PKHD1: variants seen among roughly 807,000 people sequenced by gnomAD.
PKHD1 encodes the protein PKHD1 ciliary IPT domain containing fibrocystin/polyductin, also known as fibrocystin.
Under a neutral mutation model 412.0 loss-of-function variants are expected in PKHD1, and 291 were observed. That is an observed-to-expected ratio of 0.71 (90% CI 0.64 to 0.78). PKHD1 has a LOEUF of 0.78. Ranked by LOEUF, PKHD1 falls within the 30% of genes least tolerant of loss-of-function variation. The pLI is 0.00. For missense variants in PKHD1, 4,825 were observed against 4,950.7 expected (o/e 0.97, Z 0.76); for synonymous variants, 1,777 against 1,821.5 (o/e 0.98, Z 0.62).
At chr6:51,846,621 T>C (rs1653502466) in intron 50 of PKHD1, among the ~76,000 whole-genome samples, 1 of 152,078 alleles carries the variant, frequency 6.6e-6, no homozygotes, top group Non-Finnish European at 1.5e-5. Flanking sequence ...TCAAAAGAAG[T>C]GGATGGTCCT....
At chr6:51,725,897 T>C (rs1242842075) in intron 60 of PKHD1, among the ~76,000 whole-genome samples, 1 of 152,192 alleles carries the variant, frequency 6.6e-6, no homozygotes, top group Non-Finnish European at 1.5e-5. Flanking sequence ...TAGTCCCTTC[T>C]TTTGCAAAAC....
At chr6:52,038,368 C>T (rs1349889457) in intron 27 of PKHD1, among the ~76,000 whole-genome samples, 11 of 135,926 alleles carry the variant, frequency 8.1e-5, no homozygotes, top group African/African-American at 1.1e-4. Flanking sequence ...GAATGAGACT[C>T]GGTCTCAAAA....
chr6:52,021,933 T>TA (rs1018845091), intron 33 of PKHD1, among the ~76,000 whole-genome samples: 2 of 152,198 alleles, frequency 1.3e-5, no homozygotes, highest in African/African-American at 4.8e-5. Context: ...AAATTAGGAA[T>TA]AAAACTTAAA....
chr6:51,985,186 C>T (rs1796057092), intron 35 of PKHD1, among the ~76,000 whole-genome samples: 1 of 152,146 alleles, frequency 6.6e-6, no homozygotes, highest in East Asian at 1.9e-4. Flanking sequence ...AAGGCTATCT[C>T]TGAGTTTCAT....
chr6:51,938,845 ACT>A (rs1787954193), intron 36 of PKHD1, among the ~76,000 whole-genome samples: 1 of 150,776 alleles, frequency 6.6e-6, no homozygotes, highest in Admixed American at 6.6e-5. Flanking sequence ...GCCTCTTTTT[ACT>A]CTCTTCTCCA....
chr6:51,895,792 G>A (rs1016130711), intron 43 of PKHD1, among the ~76,000 whole-genome samples: 19 of 151,948 alleles, frequency 1.3e-4, no homozygotes, highest in South Asian at 2.1e-4. Flanking sequence ...GACAGTGGGC[G>A]CAGGTCAGTG....
chr6:51,781,097 T>C (rs1337907975), intron 53 of PKHD1, among the ~76,000 whole-genome samples: 4 of 152,160 alleles, frequency 2.6e-5, no homozygotes, highest in African/African-American at 2.4e-5. Context: ...TGCCCTGCAA[T>C]AGCAATTTTC....
chr6:51,662,474 A>G (rs1325754717), intron 60 of PKHD1, among the ~76,000 whole-genome samples: 1 of 151,930 alleles, frequency 6.6e-6, no homozygotes, highest in Non-Finnish European at 1.5e-5. Flanking sequence ...TTATTTGTCA[A>G]TTATGCCTCA....
chr6:52,081,873 TA>T (rs1812087236), intron 4 of PKHD1, among the ~76,000 whole-genome samples: 1 of 151,906 alleles, frequency 6.6e-6, no homozygotes, highest in African/African-American at 2.4e-5. Flanking sequence ...CATGAGTAAA[TA>T]AAAATGAACA....
chr6:51,674,886 A>AAAATAT (rs1775590380), intron 60 of PKHD1, among the ~76,000 whole-genome samples: 1 of 152,222 alleles, frequency 6.6e-6, no homozygotes, highest in African/African-American at 2.4e-5. Context: ...CCACATATTT[A>AAAATAT]GCAAAGACAA....
intron 29 of PKHD1, among the ~76,000 whole-genome samples, chr6:52,031,169 C>A (rs1259312262): frequency 5.3e-5 from 8 of 152,210 alleles, no homozygotes; most frequent in African/African-American, 1.9e-4. Flanking sequence ...AAGAATTATT[C>A]CCACCTATCA....
chr6:51,900,663 T>C lies in PKHD1; in HGVS notation c.6996+2934A>G, dbSNP rs1217500436. ...AAGCAATGGCAACAAAAGCCAAAAT[T>C]GACAAATGGGATCTAATTAAACTAA... On this transcript the variant is annotated intron_variant, in intron 43 of 66. Coordinates refer to ENST00000371117, the MANE Select transcript of PKHD1 (RefSeq NM_138694.4). Among the ~76,000 whole-genome samples, 61 of 151,848 alleles carry C rather than the reference T, an allele frequency of 4.0e-4. No homozygotes were observed. The East Asian group carries it at 0.012, about 29-fold the overall frequency.
At chr6:51,961,168 G>C (rs1312152591) in intron 35 of PKHD1, among the ~76,000 whole-genome samples, 1 of 151,716 alleles carries the variant, frequency 6.6e-6, no homozygotes, top group Non-Finnish European at 1.5e-5. Context: ...AGAAGGGAAG[G>C]CATGTTTGTA....
At chr6:51,637,334 C>T (rs1024659283) in intron 64 of PKHD1, among the ~76,000 whole-genome samples, 1 of 152,142 alleles carries the variant, frequency 6.6e-6, no homozygotes, top group Non-Finnish European at 1.5e-5. Context: ...GGACACTACA[C>T]GTTTGTTATG....
intron 66 of PKHD1, among the ~76,000 whole-genome samples, chr6:51,619,846 C>A (rs932161532): frequency 2.6e-5 from 4 of 152,120 alleles, no homozygotes; most frequent in Non-Finnish European, 5.9e-5. Context: ...AACTTACCAA[C>A]AGGCCAACTT....
chr6:51,693,362 C>T (rs1488370380), intron 60 of PKHD1, among the ~76,000 whole-genome samples: 2 of 152,202 alleles, frequency 1.3e-5, no homozygotes, highest in Admixed American at 1.3e-4. Flanking sequence ...ACCCAGAAAA[C>T]AAATGGCTTA....
At position 51,909,471 on chromosome 6, in the gene PKHD1, T is replaced by A. The variant is rs1265025082; in HGVS notation, c.6494A>T (p.Asn2165Ile). ...CATGGAATACAAACAGTGCTGCAGA[T>A]TACCTGAAATGCAAAATAAAGTCCA... is the stretch of plus-strand genomic sequence containing the variant. ...SCQEANAPEGNLQHCLYSMSE... is the reference protein window; with the variant it reads ...SCQEANAPEGILQHCLYSMSE... Residue 2165 changes from asparagine (N) to isoleucine (I), a missense_variant, in exon 40 of 67, where the codon AAT (asparagine) becomes ATT (isoleucine). Coordinates refer to ENST00000371117, the MANE Select transcript of PKHD1 (RefSeq NM_138694.4). 1.2e-6 allele frequency: 2 copies of A among 1,611,686 alleles called. No individual in the cohort carries two copies. The highest frequency in any genetic ancestry group is 1.3e-5 in the African/African-American group (1 of 74,820).
chr6:51,815,479 A>C (rs1175590897), intron 52 of PKHD1, among the ~76,000 whole-genome samples: 2 of 152,168 alleles, frequency 1.3e-5, no homozygotes, highest in East Asian at 3.8e-4. Flanking sequence ...GAGGGAGAGA[A>C]AGGGAAAGAA....
chr6:51,976,944 T>TAAAAA (rs10671492), intron 35 of PKHD1, among the ~76,000 whole-genome samples: 25,981 of 92,610 alleles, frequency 0.28, 3,607 homozygotes, highest in East Asian at 0.37. Flanking sequence ...TGAGACTCCA[T>TAAAAA]AAAAAAAAAA....
Sources: gnomAD v4.1 joint callset for allele counts (sites outside exome capture counted in the v4.1 genomes callset) on GRCh38, gnomAD v4.1.1 for gene constraint, MANE v1.5 for transcripts, NCBI Gene and HGNC (gene_info 2026-07-23, HGNC 2026-07-21) for gene names.